Variants in PTPRD observed in about 807,000 individuals in gnomAD.
The protein encoded by PTPRD is protein tyrosine phosphatase receptor type D.
PTPRD carries 34 observed loss-of-function variants against 214.5 expected under a neutral mutation model. The ratio of observed to expected loss-of-function variants is 0.16; its 90% CI spans 0.12 to 0.21. The LOEUF is 0.21. Among genes scored for constraint, PTPRD ranks in the 10% least tolerant of loss-of-function variants. PTPRD has a pLI of 1.00. For missense variants in PTPRD, 2,545 were observed against 2,398.7 expected (o/e 1.06, Z -1.27); for synonymous variants, 1,128 against 845.7 (o/e 1.33, Z -5.79).
At chr9:9,700,072 G>A (rs537796721) in intron 7 of PTPRD, among the ~76,000 whole-genome samples, 1 of 152,230 alleles carries the variant, frequency 6.6e-6, no homozygotes, top group South Asian at 2.1e-4. Context: ...TAAATATGAT[G>A]TTGCATTTTC....
chr9:9,123,378 A>G (rs2099819468), intron 10 of PTPRD, among the ~76,000 whole-genome samples: 1 of 152,174 alleles, frequency 6.6e-6, no homozygotes, highest in South Asian at 2.1e-4. Flanking sequence ...ATATAAAAAG[A>G]GTATTTTTAA....
intron 13 of PTPRD, among the ~76,000 whole-genome samples, chr9:8,633,953 G>T (rs144408073): frequency 6.6e-6 from 1 of 151,924 alleles, no homozygotes; most frequent in African/African-American, 2.4e-5. Flanking sequence ...ACCACGAAAA[G>T]AAATTGCATA....
chr9:9,320,049 A>C (rs1311087962), intron 9 of PTPRD, among the ~76,000 whole-genome samples: 1 of 152,196 alleles, frequency 6.6e-6, no homozygotes. Flanking sequence ...AAAACTTCTG[A>C]AAAAGTACCT....
intron 5 of PTPRD, among the ~76,000 whole-genome samples, chr9:9,931,569 G>C (rs537075445): frequency 6.6e-6 from 1 of 152,140 alleles, no homozygotes; most frequent in African/African-American, 2.4e-5. Context: ...GTGGCTCGGA[G>C]GGTCCTATGC....
intron 5 of PTPRD, among the ~76,000 whole-genome samples, chr9:9,772,719 T>C (rs1403576347): frequency 2.8e-5 from 4 of 141,998 alleles, no homozygotes; most frequent in African/African-American, 1.0e-4. Context: ...TAGCAAGTCT[T>C]TCACATTGTT....
At chr9:8,826,738 C>T (rs1037763922) in intron 11 of PTPRD, among the ~76,000 whole-genome samples, 1 of 151,474 alleles carries the variant, frequency 6.6e-6, no homozygotes, top group African/African-American at 2.4e-5. Context: ...AGCATAGTAT[C>T]TCTTCTGATC....
At chr9:9,432,543 T>A (rs2083602211) in intron 8 of PTPRD, among the ~76,000 whole-genome samples, 1 of 152,234 alleles carries the variant, frequency 6.6e-6, no homozygotes, top group Admixed American at 6.5e-5. Context: ...TGAAGAGTTT[T>A]TTAATTTACT....
chr9:9,420,621 G>A (rs1024220228), intron 8 of PTPRD, among the ~76,000 whole-genome samples: 1 of 151,888 alleles, frequency 6.6e-6, no homozygotes, highest in South Asian at 2.1e-4. Flanking sequence ...TTTAATGCAA[G>A]CTTCTTTGTA....
chr9:8,697,671 C>CCTTG (rs111743588), intron 12 of PTPRD, among the ~76,000 whole-genome samples: 48,310 of 151,266 alleles, frequency 0.32, 8,532 homozygotes, highest in African/African-American at 0.47. Context: ...AATCCACCTG[C>CCTTG]CTTGGCCTCT....
chr9:9,955,998 T>C (rs1053100543), intron 4 of PTPRD, among the ~76,000 whole-genome samples: 1 of 152,150 alleles, frequency 6.6e-6, no homozygotes, highest in African/African-American at 2.4e-5. Context: ...TACACAATAA[T>C]TATTTGAGGC....
intron 3 of PTPRD, among the ~76,000 whole-genome samples, chr9:10,101,091 T>C (rs919979820): frequency 1.3e-5 from 2 of 151,656 alleles, no homozygotes; most frequent in African/African-American, 4.8e-5. Context: ...TAATTGCAAG[T>C]TTTACATTCA....
intron 39 of PTPRD, among the ~76,000 whole-genome samples, chr9:8,347,693 A>G (rs947836847): frequency 6.6e-6 from 1 of 152,200 alleles, no homozygotes; most frequent in Non-Finnish European, 1.5e-5. Flanking sequence ...TTAAGGTTAC[A>G]TGAAGTCACA....
intron 11 of PTPRD, among the ~76,000 whole-genome samples, chr9:8,765,631 T>A (rs995405686): frequency 6.6e-6 from 1 of 152,206 alleles, no homozygotes; most frequent in Non-Finnish European, 1.5e-5. Context: ...TAACAGATCC[T>A]AAGCAAGAAC....
At chr9:9,469,936 G>A (rs1263439608) in intron 8 of PTPRD, among the ~76,000 whole-genome samples, 1 of 152,140 alleles carries the variant, frequency 6.6e-6, no homozygotes, top group African/African-American at 2.4e-5. Context: ...ACATTATTTG[G>A]ATGTAGGCAG....
intron 11 of PTPRD, among the ~76,000 whole-genome samples, chr9:8,977,481 A>G (rs2099274290): frequency 6.6e-6 from 1 of 152,038 alleles, no homozygotes; most frequent in African/African-American, 2.4e-5. Flanking sequence ...TGTTTCCCAT[A>G]AGGGCTCTAT....
chr9:9,057,730 A>G (rs1039865075), intron 10 of PTPRD, among the ~76,000 whole-genome samples: 1 of 152,154 alleles, frequency 6.6e-6, no homozygotes, highest in African/African-American at 2.4e-5. Context: ...GAAAACATCA[A>G]TGAGATTCCC....
chr9:9,804,176 C>A (rs753526876), intron 5 of PTPRD, among the ~76,000 whole-genome samples: 2 of 152,026 alleles, frequency 1.3e-5, no homozygotes, highest in African/African-American at 2.4e-5. Context: ...CAGTCTCATC[C>A]CTCTACATTT....
intron 5 of PTPRD, among the ~76,000 whole-genome samples, chr9:9,808,017 G>A (rs1042672569): frequency 6.6e-6 from 1 of 152,058 alleles, no homozygotes; most frequent in African/African-American, 2.4e-5. Flanking sequence ...GTCCCCTTTT[G>A]TTTTTCTAAA....
chr9:10,043,538 T>C (rs2097333865), intron 3 of PTPRD, among the ~76,000 whole-genome samples: 1 of 151,848 alleles, frequency 6.6e-6, no homozygotes, highest in African/African-American at 2.4e-5. Flanking sequence ...GGAGTTCCTA[T>C]GAGCCTTCTA....
Sources: allele counts gnomAD v4.1 joint callset (sites outside exome capture counted in the v4.1 genomes callset), GRCh38; gene constraint gnomAD v4.1.1; transcripts MANE v1.5; gene names NCBI Gene and HGNC (gene_info 2026-07-23, HGNC 2026-07-21).